The following PIGN variants were observed in gnomAD, a reference collection of about 807,000 sequenced individuals.
PIGN encodes phosphatidylinositol glycan anchor biosynthesis class N, also known as GPI ethanolamine phosphate transferase 1.
A neutral mutation model predicts 125.4 loss-of-function variants in PIGN; 117 were observed. The observed-to-expected ratio is 0.93, with a 90% confidence interval of 0.80 to 1.09. The LOEUF is 1.09. Ranked by LOEUF, PIGN falls within the 50% of genes least tolerant of loss-of-function variation. The probability of loss-of-function intolerance (pLI) is 0.00; values close to 1 mark genes in which losing one functional copy is unlikely to be tolerated. For synonymous variants in PIGN, 392 were observed against 377.8 expected (o/e 1.04, Z -0.44); for missense variants, 1,075 against 1,094.9 (o/e 0.98, Z 0.26).
rs374310718 is a variant in PIGN, at chr18:62,147,052, C to A, written c.724G>T (p.Val242Leu). The change falls in exon 9 of 31, where the codon GTG (valine) becomes TTG (leucine). Residue 242 changes from valine to leucine, a missense_variant. By Grantham distance (32) the Val-to-Leu change is conservative (BLOSUM62 1). Transcript: ENST00000640252. The stretch of plus-strand genomic sequence containing the variant: ...CCATAGAAGTGGTTAAACATAGACA[C>A]GATTTCTTTAACTCCATCATCAACT... The part of the protein sequence containing the change: ...KKVDDGVKEI[V>L]SMFNHFYGND... 2 of 1,609,130 alleles carry A rather than the reference C, an allele frequency of 1.2e-6. No homozygotes were observed.
intron 30 of PIGN, chr18:62,072,443 A>G (rs2145712123): frequency 2.8e-6 from 1 of 362,748 alleles, no homozygotes; most frequent in African/African-American, 2.1e-5. Context: ...ATACATAAAT[A>G]CTTACCATTG....
chr18:62,068,198 G>T (rs2032639131), intron 30 of PIGN, among the ~76,000 whole-genome samples: 1 of 152,164 alleles, frequency 6.6e-6, no homozygotes, highest in African/African-American at 2.4e-5. Flanking sequence ...GATGAAGGAA[G>T]GAGACGGGCT....
In PIGN at chr18:62,084,543, C is replaced by A. The variant is rs2145944475; in HGVS notation, c.2490G>T (p.Leu830=). 3.2e-6 allele frequency: 5 copies of A among 1,547,916 alleles called. No individual in the cohort carries two copies. Among genetic ancestry groups the A allele is most frequent in the Non-Finnish European group, 3.5e-6 (4 of 1,142,640 alleles). ...TAAGAAAACTAACCTTCCACATCAT[C>A]AGGGCTCCCATCATAAAAGGACTGA... ...TVFSPFMMGA[L]MMWKILIPFV... is the part of the protein sequence containing the mutation. The change falls in exon 27 of 31, where the codon CTG becomes CTT. Residue 830 remains leucine (L), a synonymous_variant. Coordinates refer to ENST00000640252, the MANE Select transcript of PIGN (RefSeq NM_176787.5).
chr18:62,165,525 C>T (rs1028774717), intron 1 of PIGN, among the ~76,000 whole-genome samples: 5 of 151,772 alleles, frequency 3.3e-5, no homozygotes, highest in African/African-American at 9.7e-5. Context: ...TATGGGGGGA[C>T]GTAAAGCTGA....
chr18:62,150,755 A>G (rs921831489), intron 7 of PIGN, among the ~76,000 whole-genome samples: 1 of 152,070 alleles, frequency 6.6e-6, no homozygotes, highest in Admixed American at 6.6e-5. Flanking sequence ...GCTGGAGTGC[A>G]ATGGCGCAAT....
chr18:62,157,701 C>G lies in PIGN; in HGVS notation c.329G>C (p.Ser110Thr), dbSNP rs746450459. ...ATAGACAATACCTTTGGCAACTGCA[C>G]TGACATCTTCATAAAACCCAGCTAT... is the stretch of plus-strand genomic sequence containing the variant. ...ALIAGFYEDVSAVAKGWKENP... is the reference protein window; with the variant it reads ...ALIAGFYEDVTAVAKGWKENP... The change falls in exon 5 of 31, where the codon AGT (serine) becomes ACT (threonine). Residue 110 changes from serine (S) to threonine (T), a missense_variant. Ser to Thr is a moderately conservative substitution (Grantham distance 58, BLOSUM62 1). Coordinates refer to ENST00000640252, the MANE Select transcript of PIGN (RefSeq NM_176787.5). The G allele has an allele frequency of 6.2e-7, 1 of 1,611,074 alleles. No individual in the cohort carries two copies. The highest frequency in any genetic ancestry group is 1.7e-5 in the Admixed American group (1 of 59,704).
intron 23 of PIGN, among the ~76,000 whole-genome samples, chr18:62,030,188 T>C (rs1174619077): frequency 6.6e-6 from 1 of 152,204 alleles, no homozygotes. Flanking sequence ...GAAATGCCAC[T>C]AGAAGGCTTC....
In PIGN at chr18:62,117,941, A is replaced by G. The variant is rs187385024; in HGVS notation, c.1173-3302T>C. Among the ~76,000 whole-genome samples, 474 of 152,250 alleles carry G rather than the reference A, an allele frequency of 3.1e-3. 2 individuals carry two copies. Among genetic ancestry groups the G allele is most frequent in the Non-Finnish European group, 5.4e-3 (364 of 67,986 alleles). ...AATAATATTGCAATATACAAGACGC[A>G]TCATGTATATATACCATATTTTCTT... On this transcript the variant is annotated intron_variant, in intron 14 of 30. Coordinates refer to ENST00000640252, the MANE Select transcript of PIGN (RefSeq NM_176787.5).
intron 14 of PIGN, among the ~76,000 whole-genome samples, chr18:62,125,078 G>A (rs910479301): frequency 1.3e-5 from 2 of 150,154 alleles, no homozygotes; most frequent in African/African-American, 2.5e-5. Context: ...AAATATACAT[G>A]TTTGTACATA....
At chr18:62,152,243 G>A (rs939975578) in intron 7 of PIGN, among the ~76,000 whole-genome samples, 2 of 152,092 alleles carry the variant, frequency 1.3e-5, no homozygotes, top group African/African-American at 4.8e-5. Context: ...ATTTGCAGAG[G>A]AACCCTTCAG....
Position 62,146,013 on chromosome 18 carries a change from G to GC in PIGN, c.817dup (p.Ala273GlyfsTer30), listed in dbSNP as rs1486949098. 2.6e-6 allele frequency: 4 copies of GC among 1,542,374 alleles called. No homozygotes were observed. Among genetic ancestry groups the GC allele is most frequent in the Admixed American group, 3.7e-5 (2 of 54,058 alleles). On this transcript the variant is annotated frameshift_variant, in exon 10 of 31. Coordinates refer to ENST00000640252, the MANE Select transcript of PIGN (RefSeq NM_176787.5). LOFTEE classifies it high-confidence loss of function. ...AGTTAAAGTCTCTGAAGGATGACCA[G>GC]CCCCATGGGAACCTACAAATAAGAT...
At position 62,161,115 on chromosome 18, in the gene PIGN, A is replaced by T; in HGVS notation, c.221+18T>A. ...ATAACATTTTAAGAGATGTCTCTGT[A>T]TCAGTTTACATGCTTACCTAATAAA... On this transcript the variant is annotated intron_variant, in intron 4 of 30. Coordinates refer to ENST00000640252, the MANE Select transcript of PIGN (RefSeq NM_176787.5). The T allele has an allele frequency of 6.8e-7, 1 of 1,479,530 alleles. No homozygotes were observed. Among genetic ancestry groups the T allele is most frequent in the African/African-American group, 1.4e-5 (1 of 72,108 alleles). The allele number at this position is 1,479,530 out of a possible 1,614,324, so 91.7% of individuals were successfully genotyped here.
chr18:62,112,253 A>G (rs764268224), intron 16 of PIGN, among the ~76,000 whole-genome samples: 1 of 152,228 alleles, frequency 6.6e-6, no homozygotes, highest in African/African-American at 2.4e-5. Context: ...AAATTATAAT[A>G]AACACTAATG....
chr18:62,020,166 G>A (rs183194881), intron 23 of PIGN, among the ~76,000 whole-genome samples: 6 of 152,308 alleles, frequency 3.9e-5, no homozygotes, highest in South Asian at 2.1e-4. Flanking sequence ...GAGCCTGAAC[G>A]GGTCTGGAGA....
At chr18:62,146,851 A>C in intron 9 of PIGN, 120 bp downstream of exon 9, 1 of 905,748 alleles carries the variant, frequency 1.1e-6, no homozygotes, top group East Asian at 3.0e-5. Context: ...GCACAGAATT[A>C]TGTGCTAGAC....
At chr18:62,055,453 A>C (rs1440787006) in intron 30 of PIGN, among the ~76,000 whole-genome samples, 1 of 152,222 alleles carries the variant, frequency 6.6e-6, no homozygotes, top group African/African-American at 2.4e-5. Flanking sequence ...ACAACTACAG[A>C]AATGGAAAAC....
At chr18:62,170,835 G>C (rs1034600105) in intron 1 of PIGN, among the ~76,000 whole-genome samples, 1 of 152,214 alleles carries the variant, frequency 6.6e-6, no homozygotes, top group Non-Finnish European at 1.5e-5. Context: ...TGTTACTCCA[G>C]TGAATACATG....
chr18:62,047,031 T>A (rs2030775087), intron 30 of PIGN, among the ~76,000 whole-genome samples: 1 of 152,040 alleles, frequency 6.6e-6, no homozygotes, highest in African/African-American at 2.4e-5. Flanking sequence ...AAAACAATAA[T>A]ACCACCACCA....
In PIGN at chr18:62,119,298, A is replaced by AT. The variant is rs532821483; in HGVS notation, c.1173-4660_1173-4659insA. 2.0e-5 allele frequency among the ~76,000 whole-genome samples: 3 copies of AT among 152,326 alleles called. No individual in the cohort carries two copies. In the South Asian group the frequency reaches 6.2e-4, roughly 32 times the overall value. ...ACAAACAAGACCAATTGAAAAAAAA[A>AT]GAATCGAAACAAACTCACAAATGGT... On this transcript the variant is annotated intron_variant, in intron 14 of 30. Transcript: ENST00000640252.
Sources: allele counts gnomAD v4.1 joint callset (sites outside exome capture counted in the v4.1 genomes callset), GRCh38; gene constraint gnomAD v4.1.1; transcripts MANE v1.5; gene names NCBI Gene and HGNC (gene_info 2026-07-23, HGNC 2026-07-21).